Variants in USPL1 observed in about 807,000 individuals in gnomAD.
USPL1 encodes SUMO-specific isopeptidase USPL1.
In USPL1, 27 loss-of-function variants were observed where a neutral mutation model predicts 51.5. The ratio of observed to expected loss-of-function variants is 0.52; its 90% confidence interval spans 0.39 to 0.72. The LOEUF (loss-of-function observed/expected upper bound fraction) is 0.72. USPL1 is among the 30% of genes least tolerant of loss of function. The pLI is 0.00. For missense variants in USPL1, 1,226 were observed against 1,268.0 expected, an observed-to-expected ratio of 0.97 and a Z score of 0.50; for synonymous variants, 451 against 459.6, an observed-to-expected ratio of 0.98 and a Z score of 0.24.
At chr13:30,632,235 G>A (rs1334400587) in intron 4 of USPL1, among the ~76,000 whole-genome samples, 1 of 151,778 alleles carries the variant, frequency 6.6e-6, no homozygotes, top group Non-Finnish European at 1.5e-5. Context: ...TTGTTCTTGT[G>A]TTAGTTTGCT....
chr13:30,634,693 A>AT (rs1402399463), intron 4 of USPL1, among the ~76,000 whole-genome samples: 1 of 152,194 alleles, frequency 6.6e-6, no homozygotes, highest in African/African-American at 2.4e-5. Context: ...GGGGCACAGT[A>AT]TGAGTTTCCC....
In USPL1 at chr13:30,631,188, T is replaced by C. The variant is rs1482710661; in HGVS notation, c.582T>C (p.Ser194=). Residue 194 remains serine (S), a synonymous_variant, in exon 4 of 9, where the codon TCT becomes TCC. Coordinates refer to ENST00000255304, the MANE Select transcript of USPL1 (RefSeq NM_005800.5). ...AAGATCCTGCTACAGTTGATGTCTCTGGAACTGGCAGACCTTCCCCTCAAA... is the reference window on the plus strand; with the variant it reads ...AAGATCCTGCTACAGTTGATGTCTCCGGAACTGGCAGACCTTCCCCTCAAA... ...TTKDPATVDV[S]GTGRPSPQNE... 6.2e-7 allele frequency: 1 copy of C among 1,614,204 alleles called. No homozygotes were observed. The highest frequency in any genetic ancestry group is 1.7e-5 in the Admixed American group (1 of 60,030).
intron 7 of USPL1, 131 bp from the exon 8 acceptor site, chr13:30,653,017 G>A (rs1487023305): frequency 1.3e-5 from 11 of 829,504 alleles, no homozygotes; most frequent in Non-Finnish European, 1.9e-5. Context: ...CACATCTGGA[G>A]GTGCTCAAGA....
intron 8 of USPL1, 103 bp from the exon 9 acceptor site, chr13:30,657,371 T>G: frequency 8.6e-7 from 1 of 1,163,970 alleles, no homozygotes; most frequent in Non-Finnish European, 1.2e-6. Flanking sequence ...GTCTTCTCCT[T>G]TGGTCGGTAT....
chr13:30,633,075 T>C (rs1160955141), intron 4 of USPL1, among the ~76,000 whole-genome samples: 1 of 152,212 alleles, frequency 6.6e-6, no homozygotes, highest in Admixed American at 6.5e-5. Context: ...TTACATGTGT[T>C]TATCTAAACA....
chr13:30,646,533 A>AT (rs897608899), intron 6 of USPL1, among the ~76,000 whole-genome samples: 2 of 152,118 alleles, frequency 1.3e-5, no homozygotes, highest in African/African-American at 4.8e-5. Flanking sequence ...ACTAAGGGCT[A>AT]TTTTTTCCCC....
intron 7 of USPL1, among the ~76,000 whole-genome samples, chr13:30,647,292 C>A (rs924813536): frequency 3.9e-5 from 6 of 152,090 alleles, no homozygotes; most frequent in African/African-American, 1.4e-4. Context: ...TAGTGTCTTT[C>A]CTTCTTTTTG....
chr13:30,651,177 CA>C (rs1394009950), intron 7 of USPL1, among the ~76,000 whole-genome samples: 1 of 152,132 alleles, frequency 6.6e-6, no homozygotes, highest in East Asian at 1.9e-4. Context: ...GATCTTGTGG[CA>C]GTAAGGCTAG....
At chr13:30,625,814 A>G (rs1438688277) in intron 3 of USPL1, among the ~76,000 whole-genome samples, 1 of 152,098 alleles carries the variant, frequency 6.6e-6, no homozygotes, top group Non-Finnish European at 1.5e-5. Context: ...AATTTTAAGT[A>G]TATACTTTGG....
chr13:30,639,250 G>GTT (rs138291268), intron 5 of USPL1, among the ~76,000 whole-genome samples: 5 of 150,554 alleles, frequency 3.3e-5, no homozygotes, highest in African/African-American at 1.2e-4. Context: ...ATATATGTGT[G>GTT]TATGTGTGTG....
chr13:30,619,113 T>C (rs1950613107), intron 1 of USPL1, among the ~76,000 whole-genome samples: 1 of 152,104 alleles, frequency 6.6e-6, no homozygotes, highest in Admixed American at 6.6e-5. Flanking sequence ...AAGTGAGATA[T>C]GGGAAGGAGG....
At chr13:30,632,976 C>T (rs1039611456) in intron 4 of USPL1, among the ~76,000 whole-genome samples, 5 of 126,302 alleles carry the variant, frequency 4.0e-5, no homozygotes, top group African/African-American at 6.1e-5. Flanking sequence ...TTTACCTATG[C>T]GTTTCCTCCC....
At position 30,634,032 on chromosome 13, in the gene USPL1, A is replaced by C. The variant is rs573857861; in HGVS notation, c.868+2558A>C. On this transcript the variant is annotated intron_variant, in intron 4 of 8. Coordinates refer to ENST00000255304, the MANE Select transcript of USPL1 (RefSeq NM_005800.5). ...GTTCTTAGATCTCAGCAACCTCAGC[A>C]TATGATTTTTTTCTTTAAGTTGAGA... Among the ~76,000 whole-genome samples, 4 of 152,272 alleles carry C rather than the reference A, an allele frequency of 2.6e-5. No individual in the cohort carries two copies. In the South Asian group the frequency reaches 8.3e-4, roughly 32 times the overall value.
intron 8 of USPL1, among the ~76,000 whole-genome samples, chr13:30,657,192 A>G (rs1404692387): frequency 6.6e-6 from 1 of 152,252 alleles, no homozygotes; most frequent in Non-Finnish European, 1.5e-5. Context: ...TCCTTCAGGT[A>G]ACAAGCTTCA....
At chr13:30,637,513 G>A (rs1263704794) in intron 4 of USPL1, among the ~76,000 whole-genome samples, 1 of 152,114 alleles carries the variant, frequency 6.6e-6, no homozygotes, top group Non-Finnish European at 1.5e-5. Flanking sequence ...GGTGAGAAAG[G>A]CTTTCACTGA....
rs764118342 is a variant in USPL1 at position 30,646,920 on chromosome 13, AT to A, written c.1113-5del. On this transcript the variant is annotated splice_polypyrimidine_tract_variant and intron_variant, in intron 6 of 8. Coordinates refer to ENST00000255304, the MANE Select transcript of USPL1 (RefSeq NM_005800.5). ...TTAACGTTAATGAATTTGTTATGTC[AT>A]TTTTTTATAGGCATATGAAGAGTCT... 1.4e-5 allele frequency: 23 copies of A among 1,597,470 alleles called. No individual in the cohort carries two copies. Among genetic ancestry groups the A allele is most frequent in the African/African-American group, 2.7e-5 (2 of 74,216 alleles).
chr13:30,632,828 T>C (rs923508367), intron 4 of USPL1, among the ~76,000 whole-genome samples: 5 of 152,156 alleles, frequency 3.3e-5, no homozygotes, highest in African/African-American at 9.7e-5. Context: ...TGAGTAAAAA[T>C]CACCCATAAT....
chr13:30,622,470 C>CT (rs1950658453), intron 3 of USPL1, among the ~76,000 whole-genome samples: 1 of 152,138 alleles, frequency 6.6e-6, no homozygotes, highest in South Asian at 2.1e-4. Context: ...GTTTATGAGA[C>CT]TGTCTCATAC....
intron 3 of USPL1, among the ~76,000 whole-genome samples, chr13:30,624,903 G>A (rs1476157620): frequency 1.3e-5 from 2 of 152,152 alleles, no homozygotes; most frequent in African/African-American, 4.8e-5. Flanking sequence ...CTCAAAACAA[G>A]TATGTGATCC....
Sources: allele counts gnomAD v4.1 joint callset (sites outside exome capture counted in the v4.1 genomes callset), GRCh38; gene constraint gnomAD v4.1.1; transcripts MANE v1.5; gene names NCBI Gene and HGNC (gene_info 2026-07-23, HGNC 2026-07-21).